The following GRIK4 variants were observed in gnomAD, a reference collection of about 807,000 sequenced individuals.
The protein encoded by GRIK4 is glutamate receptor ionotropic, kainate 4.
A neutral mutation model predicts 104.9 loss-of-function variants in GRIK4; 40 were observed. The observed-to-expected ratio is 0.38, with a 90% CI of 0.30 to 0.50. The LOEUF (loss-of-function observed/expected upper bound fraction) is 0.50. GRIK4 is among the 20% of genes least tolerant of loss of function. GRIK4 has a pLI of 0.93. For missense variants in GRIK4, 1,047 were observed against 1,308.1 expected, an observed-to-expected ratio of 0.80 and a Z score of 3.08; for synonymous variants, 485 against 524.9, an observed-to-expected ratio of 0.92 and a Z score of 1.04.
chr11:120,878,717 A>C (rs1954885079), intron 11 of GRIK4, among the ~76,000 whole-genome samples: 1 of 150,236 alleles, frequency 6.7e-6, no homozygotes, highest in Admixed American at 6.7e-5. Flanking sequence ...TGTATCAGGG[A>C]CACAGATGTA....
intron 3 of GRIK4, among the ~76,000 whole-genome samples, chr11:120,729,944 G>A (rs570127520): frequency 7.2e-5 from 11 of 152,240 alleles, no homozygotes; most frequent in Non-Finnish European, 1.2e-4. Flanking sequence ...TTTTATATAT[G>A]GTAAGAGATA....
At chr11:120,696,474 G>T (rs988588794) in intron 3 of GRIK4, among the ~76,000 whole-genome samples, 1 of 136,842 alleles carries the variant, frequency 7.3e-6, no homozygotes, top group African/African-American at 2.7e-5. Flanking sequence ...CTAGATAGAG[G>T]TGTCAGTGGG....
chr11:120,599,811 C>G (rs1476673966), intron 1 of GRIK4, among the ~76,000 whole-genome samples: 1 of 152,208 alleles, frequency 6.6e-6, no homozygotes, highest in Non-Finnish European at 1.5e-5. Flanking sequence ...GCCTTGTCCC[C>G]AAGCTCAGCC....
At chr11:120,765,524 G>A (rs927150494) in intron 3 of GRIK4, among the ~76,000 whole-genome samples, 1 of 152,024 alleles carries the variant, frequency 6.6e-6, no homozygotes, top group Non-Finnish European at 1.5e-5. Flanking sequence ...GTGACCCTTT[G>A]GAGGAGAAGC....
chr11:120,675,726 T>C lies in GRIK4; in HGVS notation c.82+15326T>C, dbSNP rs79390321. On this transcript the variant is annotated intron_variant, in intron 3 of 20. Transcript: ENST00000527524. ...ATTATTTGGTCTCTGTTTCCTACTA[T>C]GAAATGGGGATAATAATACTCACCT... is the stretch of plus-strand genomic sequence containing the variant. 2.8e-3 allele frequency among the ~76,000 whole-genome samples: 425 copies of C among 152,256 alleles called. 2 individuals are homozygous for C. The highest frequency in any genetic ancestry group is 8.6e-3 in the African/African-American group (356 of 41,544).
At chr11:120,657,693 A>G (rs1394197885) in intron 2 of GRIK4, among the ~76,000 whole-genome samples, 1 of 152,216 alleles carries the variant, frequency 6.6e-6, no homozygotes, top group African/African-American at 2.4e-5. Flanking sequence ...CATTCTGGCC[A>G]TGGCAGGGGT....
intron 8 of GRIK4, among the ~76,000 whole-genome samples, chr11:120,860,730 CA>C (rs1954239979): frequency 6.6e-6 from 1 of 152,158 alleles, no homozygotes; most frequent in Admixed American, 6.5e-5. Flanking sequence ...AAATGTGTAT[CA>C]AGTGAATGAA....
At chr11:120,762,572 G>A (rs1318952539) in intron 3 of GRIK4, among the ~76,000 whole-genome samples, 1 of 152,172 alleles carries the variant, frequency 6.6e-6, no homozygotes, top group African/African-American at 2.4e-5. Flanking sequence ...TTGGCTGTGG[G>A]TTTGTCATAA....
chr11:120,915,240 C>G (rs528944388), intron 13 of GRIK4, among the ~76,000 whole-genome samples: 3 of 152,056 alleles, frequency 2.0e-5, no homozygotes, highest in African/African-American at 7.2e-5. Context: ...GGGGCCAGCG[C>G]GCTGGACTGC....
chr11:120,691,986 C>A (rs562913388), intron 3 of GRIK4, among the ~76,000 whole-genome samples: 1 of 152,340 alleles, frequency 6.6e-6, no homozygotes, highest in African/African-American at 2.4e-5. Flanking sequence ...GTGAGCAATA[C>A]CCTCCTATGA....
chr11:120,745,296 T>C (rs1951419642), intron 3 of GRIK4, among the ~76,000 whole-genome samples: 1 of 152,236 alleles, frequency 6.6e-6, no homozygotes, highest in Non-Finnish European at 1.5e-5. Context: ...TGAACATTCC[T>C]CTGGCTTTTT....
chr11:120,916,872 AGCATTTCAGATAAGGGGC>A (rs1282759172), intron 13 of GRIK4, among the ~76,000 whole-genome samples: 1 of 152,220 alleles, frequency 6.6e-6, no homozygotes, highest in Non-Finnish European at 1.5e-5. Flanking sequence ...TCTGGTCTCA[AGCATTTCAGATAAGGGGC>A]GCTTGCATTC....
chr11:120,769,829 A>C (rs985784673), intron 3 of GRIK4, among the ~76,000 whole-genome samples: 2 of 152,162 alleles, frequency 1.3e-5, no homozygotes, highest in African/African-American at 4.8e-5. Context: ...TTTAGCTGGG[A>C]CTGTGGACAG....
At chr11:120,977,670 C>A (rs1200964385) in intron 19 of GRIK4, among the ~76,000 whole-genome samples, 2 of 152,156 alleles carry the variant, frequency 1.3e-5, no homozygotes, top group Admixed American at 1.3e-4. Flanking sequence ...GAGCCAACAC[C>A]CATGATTAAC....
At chr11:120,715,567 C>T (rs895920844) in intron 3 of GRIK4, among the ~76,000 whole-genome samples, 2 of 152,258 alleles carry the variant, frequency 1.3e-5, no homozygotes, top group South Asian at 2.1e-4. Flanking sequence ...CCTCTCTCTC[C>T]TCTTTCCCCT....
chr11:120,847,105 A>T (rs1280814980), intron 8 of GRIK4, among the ~76,000 whole-genome samples: 1 of 152,254 alleles, frequency 6.6e-6, no homozygotes, highest in East Asian at 1.9e-4. Context: ...CCATGACAAC[A>T]TTAAATTCTT....
intron 1 of GRIK4, among the ~76,000 whole-genome samples, chr11:120,600,106 C>T (rs754851183): frequency 1.3e-5 from 2 of 152,154 alleles, no homozygotes; most frequent in African/African-American, 2.4e-5. Flanking sequence ...GAGAGTAGTG[C>T]TGGCAGCCCT....
intron 1 of GRIK4, among the ~76,000 whole-genome samples, chr11:120,559,057 A>C (rs889832261): frequency 1.3e-5 from 2 of 152,230 alleles, no homozygotes; most frequent in Non-Finnish European, 2.9e-5. Flanking sequence ...GAGATGGAGA[A>C]GCCTTCTCTG....
intron 3 of GRIK4, among the ~76,000 whole-genome samples, chr11:120,760,714 T>G (rs1356981023): frequency 2.0e-5 from 3 of 152,084 alleles, no homozygotes; most frequent in African/African-American, 7.2e-5. Context: ...TCTGTTCCTG[T>G]GTTAGTTTGC....
Sources: allele counts gnomAD v4.1 joint callset (sites outside exome capture counted in the v4.1 genomes callset), GRCh38; gene constraint gnomAD v4.1.1; transcripts MANE v1.5; gene names NCBI Gene and HGNC (gene_info 2026-07-23, HGNC 2026-07-21).